CSMD1: variants seen among roughly 807,000 people sequenced by gnomAD.
CSMD1 encodes CUB and sushi domain-containing protein 1.
Under a neutral mutation model 417.5 loss-of-function variants are expected in CSMD1, and 213 were observed. The observed-to-expected ratio is 0.51, with a 90% CI of 0.46 to 0.57. The LOEUF is 0.57. CSMD1 is among the 20% of genes least tolerant of loss of function. CSMD1 has a pLI of 0.00. For missense variants in CSMD1, 6,923 were observed against 4,529.7 expected, an observed-to-expected ratio of 1.53 and a Z score of -15.17; for synonymous variants, 2,862 against 1,736.8, an observed-to-expected ratio of 1.65 and a Z score of -16.11.
At chr8:3,470,369 G>A (rs4875714) in intron 11 of CSMD1, among the ~76,000 whole-genome samples, 11,581 of 152,040 alleles carry the variant, frequency 0.076, 509 homozygotes, top group East Asian at 0.19. Flanking sequence ...AGATAATTGT[G>A]GATACACATG....
chr8:4,008,124 G>A (rs1443646124), intron 4 of CSMD1, among the ~76,000 whole-genome samples: 2 of 152,004 alleles, frequency 1.3e-5, no homozygotes, highest in Non-Finnish European at 2.9e-5. Context: ...ATAAAGTCAA[G>A]GCAGGTAGAG....
chr8:3,847,389 G>C (rs933233850), intron 5 of CSMD1, among the ~76,000 whole-genome samples: 1 of 152,160 alleles, frequency 6.6e-6, no homozygotes, highest in Non-Finnish European at 1.5e-5. Context: ...TGGCCTCCCG[G>C]AAGGCACTGC....
chr8:4,721,468 C>A (rs1295792950), intron 1 of CSMD1, among the ~76,000 whole-genome samples: 3 of 152,088 alleles, frequency 2.0e-5, no homozygotes, highest in Non-Finnish European at 4.4e-5. Context: ...GGAAGATGCT[C>A]AACATCACTT....
intron 2 of CSMD1, among the ~76,000 whole-genome samples, chr8:4,521,119 C>T (rs1203504601): frequency 6.6e-6 from 1 of 152,056 alleles, no homozygotes; most frequent in East Asian, 1.9e-4. Context: ...ACAACTGTTT[C>T]TTCAAAGTTC....
intron 37 of CSMD1, among the ~76,000 whole-genome samples, chr8:3,165,560 T>C (rs895687524): frequency 6.6e-5 from 10 of 151,988 alleles, no homozygotes; most frequent in Non-Finnish European, 1.0e-4. Flanking sequence ...GCCTCCTGAG[T>C]AGCTGGGACT....
chr8:3,329,230 T>A (rs1433712844), intron 23 of CSMD1, among the ~76,000 whole-genome samples: 1 of 152,078 alleles, frequency 6.6e-6, no homozygotes, highest in African/African-American at 2.4e-5. Flanking sequence ...GAGGCTGAGC[T>A]AGGAAAGTGG....
chr8:4,686,332 G>C (rs1806385351), intron 1 of CSMD1, among the ~76,000 whole-genome samples: 1 of 152,120 alleles, frequency 6.6e-6, no homozygotes, highest in Non-Finnish European at 1.5e-5. Flanking sequence ...TGATTGATTG[G>C]ATTCAGGACA....
At chr8:4,217,582 A>T (rs1800759311) in intron 3 of CSMD1, among the ~76,000 whole-genome samples, 1 of 152,114 alleles carries the variant, frequency 6.6e-6, no homozygotes, top group South Asian at 2.1e-4. Context: ...TGTGAGCTTG[A>T]AGGGAAACCA....
At chr8:4,870,238 TA>T (rs1429820212) in intron 1 of CSMD1, among the ~76,000 whole-genome samples, 1 of 152,102 alleles carries the variant, frequency 6.6e-6, no homozygotes, top group Non-Finnish European at 1.5e-5. Context: ...AACTCAAAAG[TA>T]AAAACTGGAA....
chr8:3,215,006 G>C (rs557222812), intron 29 of CSMD1, among the ~76,000 whole-genome samples: 1 of 151,968 alleles, frequency 6.6e-6, no homozygotes, highest in Non-Finnish European at 1.5e-5. Flanking sequence ...TCCATTTTTG[G>C]CTACAGATTT....
intron 5 of CSMD1, among the ~76,000 whole-genome samples, chr8:3,993,652 C>A (rs1357575229): frequency 6.6e-6 from 1 of 152,110 alleles, no homozygotes; most frequent in Non-Finnish European, 1.5e-5. Context: ...TATGCTGGTT[C>A]ATGAAAAATA....
At chr8:4,094,036 A>G (rs1027441959) in intron 3 of CSMD1, among the ~76,000 whole-genome samples, 3 of 152,070 alleles carry the variant, frequency 2.0e-5, no homozygotes, top group South Asian at 2.1e-4. Flanking sequence ...AAGAAAATCA[A>G]TAGAATGCAC....
chr8:3,606,601 C>T (rs1407579212), intron 8 of CSMD1, among the ~76,000 whole-genome samples: 2 of 152,036 alleles, frequency 1.3e-5, no homozygotes, highest in Admixed American at 1.3e-4. Context: ...ACTGTACACT[C>T]CTGTAGACCT....
chr8:4,751,628 G>A (rs539514820), intron 1 of CSMD1, among the ~76,000 whole-genome samples: 1 of 152,072 alleles, frequency 6.6e-6, no homozygotes, highest in East Asian at 1.9e-4. Context: ...CAGCCTCAAG[G>A]GTGAAAAATG....
chr8:3,811,736 G>A (rs534943162), intron 5 of CSMD1, among the ~76,000 whole-genome samples: 16 of 152,154 alleles, frequency 1.1e-4, no homozygotes, highest in East Asian at 7.7e-4. Flanking sequence ...TCACAATGCG[G>A]CGGAGAAAGG....
chr8:3,984,690 T>C lies in CSMD1; in HGVS notation c.818+13213A>G, dbSNP rs111910051. ...AACAGAATGATTTATGGGTTCAGGA[T>C]TCAGTGTATATATCATATATATATA... is the stretch of plus-strand genomic sequence containing the variant. On this transcript the variant is annotated intron_variant, in intron 5 of 69. Transcript: ENST00000635120. 4.7e-3 allele frequency among the ~76,000 whole-genome samples: 637 copies of C among 134,704 alleles called. 8 individuals carry two copies. The highest frequency in any genetic ancestry group is 0.016 in the African/African-American group (581 of 36,574). 88.4% of individuals were successfully genotyped at this position (134,704 alleles called of 152,430 possible).
chr8:4,613,851 G>T (rs1801321511), intron 2 of CSMD1, among the ~76,000 whole-genome samples: 3 of 123,258 alleles, frequency 2.4e-5, no homozygotes, highest in African/African-American at 3.4e-5. Context: ...GCAGAAGGCT[G>T]TCTAATGCCA....
chr8:4,178,084 G>A (rs1798152143), intron 3 of CSMD1, among the ~76,000 whole-genome samples: 1 of 152,210 alleles, frequency 6.6e-6, no homozygotes, highest in Admixed American at 6.5e-5. Context: ...ATTTTATGAG[G>A]CCAGCATCAT....
intron 3 of CSMD1, among the ~76,000 whole-genome samples, chr8:4,195,327 T>C (rs902027084): frequency 6.6e-6 from 1 of 152,180 alleles, no homozygotes; most frequent in African/African-American, 2.4e-5. Context: ...GCAAATTCTA[T>C]AGAACAGGAT....
Sources: allele counts gnomAD v4.1 joint callset (sites outside exome capture counted in the v4.1 genomes callset), GRCh38; gene constraint gnomAD v4.1.1; transcripts MANE v1.5; gene names NCBI Gene and HGNC (gene_info 2026-07-23, HGNC 2026-07-21).